Variants in PCM1 observed in about 807,000 individuals in gnomAD.
The protein encoded by PCM1 is pericentriolar material 1, also known as pericentriolar material 1 protein.
Under a neutral mutation model 241.9 loss-of-function variants are expected in PCM1, and 157 were observed. The ratio of observed to expected loss-of-function variants is 0.65; its 90% CI spans 0.57 to 0.74. The LOEUF (loss-of-function observed/expected upper bound fraction) is 0.74, where lower values mean the gene tolerates loss of function less well. Ranked by LOEUF, PCM1 falls within the 30% of genes least tolerant of loss-of-function variation. PCM1 has a pLI of 0.00. For synonymous variants in PCM1, 1,085 were observed against 784.9 expected (o/e 1.38, Z -6.39); for missense variants, 3,478 against 2,360.1 (o/e 1.47, Z -9.81).
At position 18,014,566 on chromosome 8, in the gene PCM1, A is replaced by T. The variant is rs1312176373; in HGVS notation, c.5585-18A>T. ...TTTTTTGCATTACACTAATGTTAAGACTTTCTTTTGATGACAGATGACCAA... is the reference window on the plus strand; with the variant it reads ...TTTTTTGCATTACACTAATGTTAAGTCTTTCTTTTGATGACAGATGACCAA... On this transcript the variant is annotated intron_variant, in intron 35 of 38. Transcript: ENST00000325083. The T allele has an allele frequency of 6.3e-7, 1 of 1,584,696 alleles. No individual in the cohort carries two copies. Among genetic ancestry groups the T allele is most frequent in the African/African-American group, 1.4e-5 (1 of 74,024 alleles).
intron 2 of PCM1, among the ~76,000 whole-genome samples, chr8:17,929,221 T>G (rs1037743971): frequency 1.1e-4 from 16 of 152,156 alleles, no homozygotes; most frequent in Non-Finnish European, 1.8e-4. Context: ...GGTAACTGTT[T>G]GGTTTCTTAT....
chr8:17,991,867 C>G (rs1315169126), intron 28 of PCM1, among the ~76,000 whole-genome samples, 167 bp downstream of exon 28: 1 of 152,136 alleles, frequency 6.6e-6, no homozygotes, highest in Non-Finnish European at 1.5e-5. Context: ...CCACCCTTTC[C>G]CCTGAAACCC....
intron 34 of PCM1, among the ~76,000 whole-genome samples, chr8:18,012,526 C>T (rs1339659707): frequency 1.3e-5 from 2 of 152,118 alleles, no homozygotes; most frequent in Non-Finnish European, 2.9e-5. Flanking sequence ...TTGGAACATA[C>T]ACTCTATGGA....
At chr8:17,962,012 T>A in intron 15 of PCM1, 22 bp from the exon 16 acceptor site, 1 of 1,594,192 alleles carries the variant, frequency 6.3e-7, no homozygotes, top group Non-Finnish European at 8.6e-7. Context: ...CCTCATAACG[T>A]TTTTTGTGAA....
intron 36 of PCM1, among the ~76,000 whole-genome samples, chr8:18,016,364 T>A (rs2093196402): frequency 6.6e-6 from 1 of 152,182 alleles, no homozygotes; most frequent in African/African-American, 2.4e-5. Flanking sequence ...ATTTTATGTT[T>A]AGAAATTAGG....
chr8:18,009,340 A>G (rs1159079618), intron 30 of PCM1, among the ~76,000 whole-genome samples: 1 of 152,170 alleles, frequency 6.6e-6, no homozygotes, highest in Non-Finnish European at 1.5e-5. Context: ...AGATGACCAT[A>G]TATGTTCTTC....
intron 2 of PCM1, among the ~76,000 whole-genome samples, chr8:17,929,309 G>A (rs439374): frequency 0.79 from 119,476 of 152,034 alleles, 47,496 homozygotes; most frequent in African/African-American, 0.86. Context: ...CCTTATTAGT[G>A]TATTAGCGTG....
chr8:18,028,063 G>C lies in PCM1; in HGVS notation c.*401G>C, dbSNP rs1293889416. ...GCTCAGAGAAGAGCAATGGTTAAGA[G>C]TTAGTTAGAGAAATATATTATTTGT... On this transcript the variant is annotated 3_prime_UTR_variant, in exon 39 of 39. Coordinates refer to ENST00000325083, the MANE Select transcript of PCM1 (RefSeq NM_006197.4). 1 of 216,280 alleles carries C rather than the reference G, an allele frequency of 4.6e-6. No homozygotes were observed. The highest frequency in any genetic ancestry group is 9.3e-6 in the Non-Finnish European group (1 of 107,588). 13.4% of individuals were successfully genotyped at this position (216,280 alleles called of 1,614,324 possible).
At chr8:17,974,526 T>G (rs2077970283) in intron 23 of PCM1, among the ~76,000 whole-genome samples, 1 of 152,150 alleles carries the variant, frequency 6.6e-6, no homozygotes, top group African/African-American at 2.4e-5. Flanking sequence ...GAGTCTGCCT[T>G]CCTAACAGAC....
chr8:18,006,250 G>C lies in PCM1; in HGVS notation c.4828-13G>C. ...GGTAAGTTTATATTCTAACCAACTA[G>C]GATTTTTCTCAGGAGCACATGGATG... is the stretch of plus-strand genomic sequence containing the variant. On this transcript the variant is annotated splice_polypyrimidine_tract_variant and intron_variant, in intron 29 of 38. Transcript: ENST00000325083. 6.3e-7 allele frequency: 1 copy of C among 1,588,190 alleles called. No individual in the cohort carries two copies. The highest frequency in any genetic ancestry group is 1.1e-5 in the South Asian group (1 of 87,418).
intron 29 of PCM1, among the ~76,000 whole-genome samples, chr8:17,997,761 C>T (rs767964671): frequency 6.6e-6 from 1 of 151,624 alleles, no homozygotes; most frequent in Non-Finnish European, 1.5e-5. Flanking sequence ...TGCTATGGCT[C>T]ACACCTGTGA....
rs1008395828 is a variant in PCM1 at position 18,010,516 on chromosome 8, A to G, written c.5161-93A>G. On this transcript the variant is annotated intron_variant, in intron 31 of 38. Coordinates refer to ENST00000325083, the MANE Select transcript of PCM1 (RefSeq NM_006197.4). ...TAATACAGGCCAGGCTTAGGTCTAT[A>G]ATCCCAGTACTTTGGGAGGCTGAGA... The G allele has an allele frequency of 3.5e-6, 3 of 864,678 alleles. No individual in the cohort carries two copies. In the African/African-American group the frequency reaches 5.3e-5, roughly 15 times the overall value. The allele number at this position is 864,678 out of a possible 1,614,324, so 53.6% of individuals were successfully genotyped here. A position where few individuals can be genotyped will look rare whatever the true frequency, so the allele number is the denominator to read the frequency against.
chr8:18,027,540 C>T (rs1353510612), intron 38 of PCM1, 97 bp from the exon 39 acceptor site: 7 of 750,072 alleles, frequency 9.3e-6, no homozygotes, highest in East Asian at 2.7e-5. Flanking sequence ...TTTATAATAA[C>T]GTTATATTAA....
At chr8:17,970,201 C>G (rs1252536478) in intron 22 of PCM1, among the ~76,000 whole-genome samples, 1 of 152,008 alleles carries the variant, frequency 6.6e-6, no homozygotes, top group African/African-American at 2.4e-5. Context: ...TTTGAGGATG[C>G]ATGGTATTAA....
At chr8:18,015,521 A>G (rs1317518162) in intron 36 of PCM1, among the ~76,000 whole-genome samples, 1 of 148,136 alleles carries the variant, frequency 6.8e-6, no homozygotes, top group Non-Finnish European at 1.5e-5. Context: ...AAGGTACTTG[A>G]TAAAAGACAA....
chr8:17,966,501 C>A (rs767610734), intron 20 of PCM1, 28 bp downstream of exon 20: 42 of 1,603,810 alleles, frequency 2.6e-5, no homozygotes, highest in Non-Finnish European at 3.4e-5. Flanking sequence ...AGTATTGAGA[C>A]TGTATAAGAG....
In PCM1 at chr8:18,028,049, A is replaced by T. The variant is rs2094349711; in HGVS notation, c.*387A>T. On this transcript the variant is annotated 3_prime_UTR_variant, in exon 39 of 39. Transcript: ENST00000325083. ...TATAACTTTAGGCTGCTCAGAGAAG[A>T]GCAATGGTTAAGAGTTAGTTAGAGA... 4.5e-6 allele frequency: 1 copy of T among 223,374 alleles called. No homozygotes were observed. Among genetic ancestry groups the T allele is most frequent in the Non-Finnish European group, 8.9e-6 (1 of 112,328 alleles). 13.8% of individuals were successfully genotyped at this position (223,374 alleles called of 1,614,324 possible).
chr8:17,948,493 C>CG (rs1323627378), intron 7 of PCM1, among the ~76,000 whole-genome samples: 5 of 151,598 alleles, frequency 3.3e-5, no homozygotes, highest in African/African-American at 1.2e-4. Flanking sequence ...TTAGTAGAGT[C>CG]GGGGTTTCAC....
intron 8 of PCM1, among the ~76,000 whole-genome samples, chr8:17,951,143 T>G (rs1318218840): frequency 6.6e-6 from 1 of 152,250 alleles, no homozygotes; most frequent in East Asian, 1.9e-4. Flanking sequence ...TTTGAAGGAA[T>G]ATTTTACTAA....
Sources: gnomAD v4.1 joint callset for allele counts (sites outside exome capture counted in the v4.1 genomes callset) on GRCh38, gnomAD v4.1.1 for gene constraint, MANE v1.5 for transcripts, NCBI Gene and HGNC (gene_info 2026-07-23, HGNC 2026-07-21) for gene names.